PDE3A: variants seen among roughly 807,000 people sequenced by gnomAD.
PDE3A encodes phosphodiesterase 3A, also known as cGMP-inhibited 3',5'-cyclic phosphodiesterase 3A.
Under a neutral mutation model 98.3 loss-of-function variants are expected in PDE3A, and 43 were observed. The observed-to-expected ratio is 0.44, with a 90% confidence interval of 0.34 to 0.56. PDE3A has a LOEUF of 0.56. PDE3A is among the 20% of genes least tolerant of loss of function. PDE3A has a pLI of 0.01. For synonymous variants in PDE3A, 663 were observed against 567.9 expected, an observed-to-expected ratio of 1.17 and a Z score of -2.38; for missense variants, 1,427 against 1,440.7, an observed-to-expected ratio of 0.99 and a Z score of 0.15.
intron 1 of PDE3A, among the ~76,000 whole-genome samples, chr12:20,526,452 A>T (rs530146326): frequency 2.6e-5 from 4 of 152,294 alleles, no homozygotes; most frequent in South Asian, 2.1e-4. Flanking sequence ...TTTAAATCAA[A>T]TTTTTTTAAA....
chr12:20,445,767 G>C (rs1025332309), intron 1 of PDE3A, among the ~76,000 whole-genome samples: 1 of 152,072 alleles, frequency 6.6e-6, no homozygotes, highest in Non-Finnish European at 1.5e-5. Context: ...TTGGAATATA[G>C]AGCCATTGCC....
At chr12:20,460,760 GT>G (rs1479022929) in intron 1 of PDE3A, among the ~76,000 whole-genome samples, 2 of 152,134 alleles carry the variant, frequency 1.3e-5, no homozygotes, top group African/African-American at 4.8e-5. Context: ...TAGTTCATCA[GT>G]TTAAGTAGGG....
intron 1 of PDE3A, among the ~76,000 whole-genome samples, chr12:20,382,461 T>G (rs546854706): frequency 5.3e-5 from 8 of 152,072 alleles, no homozygotes; most frequent in African/African-American, 1.9e-4. Flanking sequence ...CAAAAAAACT[T>G]CATTGATGAT....
intron 2 of PDE3A, among the ~76,000 whole-genome samples, chr12:20,575,486 C>A (rs1239287403): frequency 6.6e-6 from 1 of 151,988 alleles, no homozygotes; most frequent in Non-Finnish European, 1.5e-5. Context: ...TGCCTTGCAA[C>A]TTGGTTTTGA....
At chr12:20,528,490 C>A (rs963758300) in intron 1 of PDE3A, among the ~76,000 whole-genome samples, 5 of 152,210 alleles carry the variant, frequency 3.3e-5, no homozygotes, top group African/African-American at 1.2e-4. Context: ...GCTTCTGCCT[C>A]CACAAGGAAT....
At chr12:20,403,974 A>G (rs1439176555) in intron 1 of PDE3A, among the ~76,000 whole-genome samples, 2 of 152,068 alleles carry the variant, frequency 1.3e-5, no homozygotes, top group African/African-American at 2.4e-5. Context: ...TTTCTACTTC[A>G]ACTTCCTAAT....
chr12:20,428,436 C>T (rs1190870146), intron 1 of PDE3A, among the ~76,000 whole-genome samples: 4 of 152,046 alleles, frequency 2.6e-5, no homozygotes, highest in Admixed American at 6.5e-5. Context: ...CCCGCCGCCA[C>T]GCCCGGCTAA....
chr12:20,624,961 G>A (rs1944226697), intron 5 of PDE3A, among the ~76,000 whole-genome samples: 1 of 152,146 alleles, frequency 6.6e-6, no homozygotes, highest in African/African-American at 2.4e-5. Flanking sequence ...CAAATGAAAT[G>A]TGAAGAGAGT....
intron 1 of PDE3A, among the ~76,000 whole-genome samples, chr12:20,488,590 T>C (rs979073105): frequency 5.3e-5 from 8 of 152,092 alleles, no homozygotes; most frequent in Non-Finnish European, 1.2e-4. Flanking sequence ...CCCAGCACTA[T>C]GGGAGGCCGA....
intron 15 of PDE3A, among the ~76,000 whole-genome samples, chr12:20,655,165 A>G (rs954869375): frequency 1.3e-5 from 2 of 152,226 alleles, no homozygotes; most frequent in African/African-American, 4.8e-5. Flanking sequence ...ATATGAGAGT[A>G]AAAATAAAAG....
At chr12:20,424,011 G>C (rs1944564857) in intron 1 of PDE3A, among the ~76,000 whole-genome samples, 1 of 152,150 alleles carries the variant, frequency 6.6e-6, no homozygotes, top group Non-Finnish European at 1.5e-5. Flanking sequence ...AGAAATAGCA[G>C]TGTTCGGTGA....
In PDE3A at chr12:20,639,957, T is replaced by C; in HGVS notation, c.2251T>C (p.Tyr751His). Residue 751 changes from tyrosine (Y) to histidine (H), a missense_variant and splice_region_variant, in exon 10 of 16, where the codon TAT (tyrosine) becomes CAT (histidine). Tyr to His is a moderately conservative substitution (Grantham distance 83). Around this residue, in one of 3 missense-constraint regions of PDE3A, gnomAD observed 273 missense variants for 420.3 expected, o/e 0.65. Coordinates refer to ENST00000359062, the MANE Select transcript of PDE3A (RefSeq NM_000921.5). ...GGAGATTGGATATAGGGATATTCCTTGTAAGTATATGTGATTTGTGAAATA... is the reference window on the plus strand; with the variant it reads ...GGAGATTGGATATAGGGATATTCCTCGTAAGTATATGTGATTTGTGAAATA... ...ALEIGYRDIP[Y>H]HNRIHATDVL... 8.5e-7 allele frequency: 1 copy of C among 1,177,108 alleles called. No homozygotes were observed. The highest frequency in any genetic ancestry group is 1.3e-6 in the Non-Finnish European group (1 of 784,326). The allele number at this position is 1,177,108 out of a possible 1,614,324, so 72.9% of individuals were successfully genotyped here.
chr12:20,672,992 C>T (rs987717575), intron 15 of PDE3A, among the ~76,000 whole-genome samples: 1 of 151,382 alleles, frequency 6.6e-6, no homozygotes, highest in African/African-American at 2.4e-5. Flanking sequence ...TGAACTCATA[C>T]AAATTTACAA....
At chr12:20,405,782 A>G (rs914403406) in intron 1 of PDE3A, among the ~76,000 whole-genome samples, 4 of 152,174 alleles carry the variant, frequency 2.6e-5, no homozygotes, top group African/African-American at 9.7e-5. Flanking sequence ...AACTTTGAGT[A>G]AATGATACAG....
At chr12:20,441,782 C>T (rs970455068) in intron 1 of PDE3A, among the ~76,000 whole-genome samples, 13 of 152,080 alleles carry the variant, frequency 8.5e-5, no homozygotes. Flanking sequence ...CTCACCCATC[C>T]CTCTCTTCAA....
At chr12:20,563,847 T>C (rs1942590558) in intron 2 of PDE3A, among the ~76,000 whole-genome samples, 1 of 152,154 alleles carries the variant, frequency 6.6e-6, no homozygotes, top group South Asian at 2.1e-4. Flanking sequence ...CCTATAGATA[T>C]TTAAAATTTT....
chr12:20,655,866 G>T (rs906243234), intron 15 of PDE3A, among the ~76,000 whole-genome samples: 3 of 152,186 alleles, frequency 2.0e-5, no homozygotes, highest in Admixed American at 2.0e-4. Context: ...TTATCCAAGT[G>T]AGAGATGCCT....
intron 1 of PDE3A, among the ~76,000 whole-genome samples, chr12:20,453,173 CTT>C (rs55780939): frequency 1.1e-4 from 14 of 124,582 alleles, no homozygotes; most frequent in Admixed American, 1.7e-4. Flanking sequence ...CTTGATAATG[CTT>C]TTTTTTTTTT....
At chr12:20,634,878 T>G in intron 7 of PDE3A, 24 bp from the exon 8 acceptor site, 1 of 1,584,854 alleles carries the variant, frequency 6.3e-7, no homozygotes, top group Non-Finnish European at 8.7e-7. Context: ...GATCTTGTAA[T>G]AAGTTGTTCT....
Sources: allele counts gnomAD v4.1 joint callset (sites outside exome capture counted in the v4.1 genomes callset), GRCh38; gene constraint gnomAD v4.1.1; regional missense constraint gnomAD v4.1.1; transcripts MANE v1.5; gene names NCBI Gene and HGNC (gene_info 2026-07-23, HGNC 2026-07-21).